PCDHGA3: variants seen among roughly 807,000 people sequenced by gnomAD.
PCDHGA3 encodes the protein protocadherin gamma subfamily A, 3.
In PCDHGA3, 40 loss-of-function variants were observed where a neutral mutation model predicts 58.5. That is an observed-to-expected ratio of 0.68 (90% confidence interval 0.53 to 0.89). PCDHGA3 has a LOEUF of 0.89. PCDHGA3 is among the 40% of genes least tolerant of loss of function. PCDHGA3 has a pLI of 0.00. For synonymous variants in PCDHGA3, 530 were observed against 525.7 expected, an observed-to-expected ratio of 1.01 and a Z score of -0.11; for missense variants, 1,223 against 1,195.9, an observed-to-expected ratio of 1.02 and a Z score of -0.33.
chr5:141,485,416 C>T lies in PCDHGA3; in HGVS notation c.2425-9391C>T, dbSNP rs1311879785. On this transcript the variant is annotated intron_variant, in intron 1 of 3. Coordinates refer to ENST00000253812, the MANE Select transcript of PCDHGA3 (RefSeq NM_018916.4). This position sits in a 1 kb window ranked among gnomAD's most constrained non-coding sequence, Gnocchi z 5.7. Reference sequence around the variant, plus strand: ...GACACTTCCGTGTGGATTTGGACAGCGGAGCCCTGCTCATCAAGAACCCAA... The same window carrying T: ...GACACTTCCGTGTGGATTTGGACAGTGGAGCCCTGCTCATCAAGAACCCAA... 10 of 1,613,988 alleles carry T rather than the reference C, an allele frequency of 6.2e-6. No individual in the cohort carries two copies. Among genetic ancestry groups the T allele is most frequent in the South Asian group, 4.4e-5 (4 of 91,086 alleles).
At chr5:141,351,596 C>A (rs773771390) in intron 1 of PCDHGA3, 2 of 1,614,088 alleles carry the variant, frequency 1.2e-6, no homozygotes, top group Non-Finnish European at 1.7e-6. Flanking sequence ...CGACAATGCA[C>A]CTGTTTTCCA....
At chr5:141,365,868 T>TC (rs764390051) in intron 1 of PCDHGA3, 1 of 1,614,024 alleles carries the variant, frequency 6.2e-7, no homozygotes, top group East Asian at 2.2e-5. Flanking sequence ...GACACCGGTG[T>TC]CCTGTATGCT....
At chr5:141,389,715 G>A (rs1210776013) in intron 1 of PCDHGA3, 4 of 1,612,586 alleles carry the variant, frequency 2.5e-6, no homozygotes, top group Middle Eastern at 1.7e-4. Context: ...GCAGGCTAGC[G>A]AGCCCGGGCT....
intron 1 of PCDHGA3, chr5:141,370,755 G>C: frequency 6.2e-7 from 1 of 1,613,972 alleles, no homozygotes; most frequent in South Asian, 1.1e-5. Flanking sequence ...TCATGTAACT[G>C]TGCTGATCCA....
Position 141,393,204 on chromosome 5 carries a change from C to T in PCDHGA3, c.2424+46747C>T, listed in dbSNP as rs373432896. ...AATAATTGATATTAACGATAATAAC[C>T]CAAAATTCCAGGTCGAAGATCTAGA... On this transcript the variant is annotated intron_variant, in intron 1 of 3. Transcript: ENST00000253812. 7 of 1,613,342 alleles carry T rather than the reference C, an allele frequency of 4.3e-6. No homozygotes were observed. The African/African-American group carries it at 9.3e-5, about 22-fold the overall frequency.
At chr5:141,360,937 G>C (rs1430087223) in intron 1 of PCDHGA3, 2 of 1,613,962 alleles carry the variant, frequency 1.2e-6, no homozygotes, top group Admixed American at 1.7e-5. Context: ...GACAGCCACC[G>C]ACCGGGATGA....
intron 1 of PCDHGA3, chr5:141,366,161 G>A: frequency 6.2e-7 from 1 of 1,614,092 alleles, no homozygotes; most frequent in Non-Finnish European, 8.5e-7. Context: ...CCTGCTTAAG[G>A]CCAGCGAGCC....
chr5:141,450,581 G>A (rs2098686464), intron 1 of PCDHGA3, among the ~76,000 whole-genome samples: 1 of 151,878 alleles, frequency 6.6e-6, no homozygotes, highest in Non-Finnish European at 1.5e-5. Context: ...CTGCCTCCCA[G>A]GTTCAAGCAA....
At position 141,432,069 on chromosome 5, in the gene PCDHGA3, A is replaced by G. The variant is rs572724741; in HGVS notation, c.2425-62738A>G. On this transcript the variant is annotated intron_variant, in intron 1 of 3. Transcript: ENST00000253812. The surrounding 1 kb of genome is among the most constrained non-coding windows in gnomAD (Gnocchi z 6.0). ...ACCCCGCCCCTATCCACGGAAACTC[A>G]TATCTCGCTGAACGTGGCAGACACC... 646 of 1,614,168 alleles carry G rather than the reference A, an allele frequency of 4.0e-4. 5 individuals are homozygous for G. In the South Asian group the frequency reaches 6.9e-3, roughly 17 times the overall value.
At chr5:141,441,246 C>G (rs2098234855) in intron 1 of PCDHGA3, 1 of 152,136 alleles carries the variant, frequency 6.6e-6, no homozygotes, top group Non-Finnish European at 1.5e-5. Flanking sequence ...ATCACAAGAT[C>G]TTTAAATCAC....
intron 1 of PCDHGA3, chr5:141,415,738 AGGTTTTTT>A: frequency 1.9e-6 from 1 of 538,082 alleles, no homozygotes; most frequent in Non-Finnish European, 2.7e-6. Flanking sequence ...ATGTTTATTA[AGGTTTTTT>A]TTTTTTTTTT....
chr5:141,501,288 T>TACAC (rs1562199973), intron 2 of PCDHGA3, among the ~76,000 whole-genome samples: 2 of 81,228 alleles, frequency 2.5e-5, no homozygotes, highest in Admixed American at 1.6e-4. Flanking sequence ...GATATTCCCT[T>TACAC]ATACACACAC....
chr5:141,364,895 C>T lies in PCDHGA3; in HGVS notation c.2424+18438C>T, dbSNP rs200656228. The T allele has an allele frequency of 3.7e-6, 6 of 1,613,860 alleles. No homozygotes were observed. The African/African-American group carries it at 6.7e-5, about 18-fold the overall frequency. ...GGATGTGGTAAGCGGAACTGATGGA[C>T]AAAAGTATCCGGAGCTGGTGTTGGA... On this transcript the variant is annotated intron_variant, in intron 1 of 3. Coordinates refer to ENST00000253812, the MANE Select transcript of PCDHGA3 (RefSeq NM_018916.4).
In PCDHGA3 at chr5:141,431,221, A is replaced by T; in HGVS notation, c.2425-63586A>T. 6.2e-7 allele frequency: 1 copy of T among 1,614,124 alleles called. No homozygotes were observed. The highest frequency in any genetic ancestry group is 8.5e-7 in the Non-Finnish European group (1 of 1,180,026). On this transcript the variant is annotated intron_variant, in intron 1 of 3. Transcript: ENST00000253812. The surrounding 1 kb of genome is among the most constrained non-coding windows in gnomAD (Gnocchi z 4.8). Reference sequence around the variant, plus strand: ...CAGCCACTGAGATGCGGTTCCCTCTACCCCACGCCTGGGATCCGGATATCG... The same window carrying T: ...CAGCCACTGAGATGCGGTTCCCTCTTCCCCACGCCTGGGATCCGGATATCG...
chr5:141,375,966 C>T lies in PCDHGA3; in HGVS notation c.2424+29509C>T, dbSNP rs373365863. ...GGCCTGCACACGGGCGAGGTGCGCACGGCGCGCGCCCTGCTGGACAGAGAC... is the reference window on the plus strand; with the variant it reads ...GGCCTGCACACGGGCGAGGTGCGCATGGCGCGCGCCCTGCTGGACAGAGAC... On this transcript the variant is annotated intron_variant, in intron 1 of 3. Transcript: ENST00000253812. 30 of 1,613,374 alleles carry T rather than the reference C, an allele frequency of 1.9e-5. No individual in the cohort carries two copies. The Admixed American group carries it at 2.3e-4, about 13-fold the overall frequency.
chr5:141,357,873 C>A, intron 1 of PCDHGA3: 1 of 560,256 alleles, frequency 1.8e-6, no homozygotes, highest in South Asian at 2.2e-5. Context: ...TTTTACAACT[C>A]TGAGCCACCT....
chr5:141,432,615 T>G lies in PCDHGA3; in HGVS notation c.2425-62192T>G. ...GCCAGCGAGCCGGGACTCTTCTCGG[T>G]GGGTCTGCACACGGGCGAGGTGCGC... On this transcript the variant is annotated intron_variant, in intron 1 of 3. Coordinates refer to ENST00000253812, the MANE Select transcript of PCDHGA3 (RefSeq NM_018916.4). The surrounding 1 kb of genome is among the most constrained non-coding windows in gnomAD (Gnocchi z 6.0). The G allele has an allele frequency of 2.5e-6, 4 of 1,613,820 alleles. No homozygotes were observed. The highest frequency in any genetic ancestry group is 1.1e-5 in the South Asian group (1 of 91,054).
At chr5:141,361,404 A>G in intron 1 of PCDHGA3, 1 of 1,614,050 alleles carries the variant, frequency 6.2e-7, no homozygotes, top group East Asian at 2.2e-5. Context: ...TCACCATCAC[A>G]GCCACCGACG....
chr5:141,403,054 A>G, intron 1 of PCDHGA3: 6 of 1,614,062 alleles, frequency 3.7e-6, no homozygotes, highest in Non-Finnish European at 5.1e-6. Flanking sequence ...TTCGCTACTC[A>G]GTGCCTGAAG....
Sources: gnomAD v4.1 joint callset for allele counts (sites outside exome capture counted in the v4.1 genomes callset) on GRCh38, gnomAD v4.1.1 for gene constraint, Gnocchi (gnomAD v3.1) non-coding constraint, MANE v1.5 for transcripts, NCBI Gene and HGNC (gene_info 2026-07-23, HGNC 2026-07-21) for gene names.